CAMLG: variants seen among roughly 807,000 people sequenced by gnomAD.
CAMLG encodes the protein guided entry of tail-anchored proteins factor CAMLG.
Under a neutral mutation model 28.9 loss-of-function variants are expected in CAMLG, and 23 were observed. That is an observed-to-expected ratio of 0.80 (90% CI 0.57 to 1.13). The LOEUF is 1.13. Ranked by LOEUF, CAMLG falls within the 50% of genes most tolerant of loss-of-function variation. The pLI, the probability that CAMLG is intolerant of heterozygous loss-of-function variation, is 0.00. For synonymous variants in CAMLG, 141 were observed against 146.5 expected, an observed-to-expected ratio of 0.96 and a Z score of 0.27; for missense variants, 367 against 371.9, an observed-to-expected ratio of 0.99 and a Z score of 0.11.
At position 134,741,120 on chromosome 5, in the gene CAMLG, GCGTTCCTTC is replaced by G; in HGVS notation, c.235_243del (p.Pro79_Val81del). 1 of 1,614,138 alleles carries G rather than the reference GCGTTCCTTC, an allele frequency of 6.2e-7. No individual in the cohort carries two copies. Among genetic ancestry groups the G allele is most frequent in the South Asian group, 1.1e-5 (1 of 91,082 alleles). On this transcript the variant is annotated inframe_deletion, in exon 2 of 4. Coordinates refer to ENST00000297156, the MANE Select transcript of CAMLG (RefSeq NM_001745.4). ...GACAGTGATAAACTGAACTCCCTCAGCGTTCCTTCCGTTTCAAAGCGAGTAGTGCTGGGT... is the reference window on the plus strand; with the variant it reads ...GACAGTGATAAACTGAACTCCCTCAGCGTTTCAAAGCGAGTAGTGCTGGGT...
rs1460187266 is a variant in CAMLG, at chr5:134,750,809, G to A, written c.750G>A (p.Ser250=). The change falls in exon 4 of 4, where the codon TCG becomes TCA. Residue 250 remains serine, a synonymous_variant. Coordinates refer to ENST00000297156, the MANE Select transcript of CAMLG (RefSeq NM_001745.4). The part of the protein sequence containing the change: ...TTVLTAALLL[S]GIPAEVINRS... ...TACTAACAGCTGCACTTCTATTGTCGGGAATTCCTGCCGAAGTGATAAATC... is the reference window on the plus strand; with the variant it reads ...TACTAACAGCTGCACTTCTATTGTCAGGAATTCCTGCCGAAGTGATAAATC... The A allele has an allele frequency of 3.7e-6, 6 of 1,613,628 alleles. No homozygotes were observed. Among genetic ancestry groups the A allele is most frequent in the East Asian group, 2.2e-5 (1 of 44,884 alleles).
chr5:134,743,919 G>A (rs1753014507), intron 2 of CAMLG, 68 bp from the exon 3 acceptor site: 1 of 715,658 alleles, frequency 1.4e-6, no homozygotes. Context: ...TTTTCTAGCT[G>A]CTGTTTGATT....
In CAMLG at chr5:134,750,929, T is replaced by C. The variant is rs936200630; in HGVS notation, c.870T>C (p.Tyr290=). 1.2e-6 allele frequency: 2 copies of C among 1,613,598 alleles called. No homozygotes were observed. Among genetic ancestry groups the C allele is most frequent in the Non-Finnish European group, 1.7e-6 (2 of 1,179,834 alleles). ...TCTTTTGTCATGAACTGCTTGATTA[T>C]TGGGGCTCTGAAGTACCATGAAGCC... ...TFIFCHELLD[Y]WGSEVP Residue 290 remains tyrosine (Y), a synonymous_variant, in exon 4 of 4, where the codon TAT becomes TAC. Coordinates refer to ENST00000297156, the MANE Select transcript of CAMLG (RefSeq NM_001745.4).
chr5:134,747,386 C>G (rs1189757111), intron 3 of CAMLG, among the ~76,000 whole-genome samples: 4 of 151,758 alleles, frequency 2.6e-5, no homozygotes, highest in Non-Finnish European at 5.9e-5. Flanking sequence ...GAGGCTTGCT[C>G]TGTCACCCAG....
At position 134,741,400 on chromosome 5, in the gene CAMLG, T is replaced by A. The variant is rs374002051; in HGVS notation, c.510T>A (p.Ile170=). ...EEAMKLRKQL[I]SEKPSQEDGN... is the part of the protein sequence containing the mutation. ...CAATGAAGCTAAGGAAACAGCTGAT[T>A]AGTGAAAAACCCAGTCAAGAGGATG... Residue 170 remains isoleucine (I), a synonymous_variant, in exon 2 of 4, where the codon ATT becomes ATA. Coordinates refer to ENST00000297156, the MANE Select transcript of CAMLG (RefSeq NM_001745.4). The A allele has an allele frequency of 6.2e-7, 1 of 1,614,064 alleles. No individual in the cohort carries two copies. The highest frequency in any genetic ancestry group is 8.5e-7 in the Non-Finnish European group (1 of 1,179,922).
In CAMLG at chr5:134,741,230, T is replaced by C. The variant is rs968265332; in HGVS notation, c.340T>C (p.Leu114=). The C allele has an allele frequency of 1.9e-5, 30 of 1,614,012 alleles. No homozygotes were observed. Among genetic ancestry groups the C allele is most frequent in the Middle Eastern group, 1.6e-4 (1 of 6,084 alleles). ...AAAGGGGACCCAACTGGGAGACAAA[T>C]TGGACTCGTTCATTAAACCACCTGA... The part of the protein sequence containing the change: ...EVKGTQLGDK[L]DSFIKPPECS... Residue 114 remains leucine (L), a synonymous_variant, in exon 2 of 4, where the codon TTG becomes CTG. Coordinates refer to ENST00000297156, the MANE Select transcript of CAMLG (RefSeq NM_001745.4).
chr5:134,747,576 G>T (rs1315018747), intron 3 of CAMLG, among the ~76,000 whole-genome samples: 1 of 149,160 alleles, frequency 6.7e-6, no homozygotes, highest in Non-Finnish European at 1.5e-5. Context: ...TCGATCTCCT[G>T]ACCTCATGAT....
intron 1 of CAMLG, 27 bp from the exon 2 acceptor site, chr5:134,741,036 A>T (rs939756355): frequency 1.6e-5 from 24 of 1,520,164 alleles, no homozygotes; most frequent in Non-Finnish European, 2.2e-5. Flanking sequence ...GAATAAATAC[A>T]TAAGGCTTTT....
chr5:134,750,855 A>T lies in CAMLG; in HGVS notation c.796A>T (p.Lys266Ter). ...AAATCGATCAATGGATACCTATAGC[A>T]AAATGGGCGAAGTCTTCACAGATCT... ...VINRSMDTYS[K>*]MGEVFTDLCV... The change falls in exon 4 of 4, where the codon AAA (lysine) becomes TAA (stop). Residue 266 changes from lysine to a stop codon, truncating the protein, a stop_gained. Transcript: ENST00000297156. LOFTEE classifies it high-confidence loss of function. 2 of 1,614,034 alleles carry T rather than the reference A, an allele frequency of 1.2e-6. No individual in the cohort carries two copies. The highest frequency in any genetic ancestry group is 1.7e-5 in the Admixed American group (1 of 60,008).
intron 3 of CAMLG, among the ~76,000 whole-genome samples, chr5:134,749,103 T>A (rs1289079493): frequency 6.6e-6 from 1 of 151,840 alleles, no homozygotes; most frequent in East Asian, 1.9e-4. Flanking sequence ...AGCTTTGCTC[T>A]GTCACCCAGG....
At chr5:134,744,432 G>A (rs991151403) in intron 3 of CAMLG, among the ~76,000 whole-genome samples, 1 of 151,126 alleles carries the variant, frequency 6.6e-6, no homozygotes. Context: ...GCTGAGGCAG[G>A]AGAGTTGCTC....
intron 2 of CAMLG, among the ~76,000 whole-genome samples, chr5:134,742,323 CAGAG>C (rs369546064): frequency 1.3e-3 from 198 of 152,302 alleles, no homozygotes; most frequent in African/African-American, 4.6e-3. Flanking sequence ...AATGAAGACT[CAGAG>C]AGGTTAAACC....
chr5:134,746,286 T>C (rs1205866294), intron 3 of CAMLG, among the ~76,000 whole-genome samples: 1 of 152,120 alleles, frequency 6.6e-6, no homozygotes, highest in Non-Finnish European at 1.5e-5. Flanking sequence ...TAATTTCTTT[T>C]TGAAAAGAAA....
At chr5:134,743,941 G>A (rs77642959) in intron 2 of CAMLG, 46 bp from the exon 3 acceptor site, 11,184 of 829,784 alleles carry the variant, frequency 0.013, 177 homozygotes, top group African/African-American at 0.054. Flanking sequence ...ATTGTGATTT[G>A]AATGATTATG....
intron 3 of CAMLG, among the ~76,000 whole-genome samples, chr5:134,748,195 T>C (rs1198484985): frequency 6.6e-6 from 1 of 152,044 alleles, no homozygotes; most frequent in African/African-American, 2.4e-5. Flanking sequence ...CTTCCCAAAG[T>C]GCTGGGATTA....
chr5:134,738,800 C>G lies in CAMLG; in HGVS notation c.172+8C>G. 6.2e-7 allele frequency: 1 copy of G among 1,613,540 alleles called. No homozygotes were observed. The highest frequency in any genetic ancestry group is 8.5e-7 in the Non-Finnish European group (1 of 1,179,606). ...GGCCCGGGAGCGGCGCGGGTAAGAG[C>G]CTCGATTTCCCCTCAGTCTCCCGCC... On this transcript the variant is annotated splice_region_variant and intron_variant, in intron 1 of 3. Coordinates refer to ENST00000297156, the MANE Select transcript of CAMLG (RefSeq NM_001745.4).
chr5:134,744,161 T>C, intron 3 of CAMLG, 109 bp downstream of exon 3: 1 of 604,252 alleles, frequency 1.7e-6, no homozygotes, highest in South Asian at 2.0e-5. Flanking sequence ...GAATCAGTGC[T>C]ACTCAAAGTG....
intron 3 of CAMLG, 130 bp downstream of exon 3, chr5:134,744,182 A>G (rs977719322): frequency 3.5e-6 from 2 of 571,702 alleles, no homozygotes; most frequent in African/African-American, 3.8e-5. Context: ...TGGTTTGCCC[A>G]CTTATCTCCA....
intron 1 of CAMLG, among the ~76,000 whole-genome samples, chr5:134,739,271 T>A (rs1008611360): frequency 2.0e-5 from 3 of 152,218 alleles, no homozygotes; most frequent in Admixed American, 2.0e-4. Flanking sequence ...CTGTCTTTAC[T>A]GAACTGCCCG....
Sources: gnomAD v4.1 joint callset for allele counts (sites outside exome capture counted in the v4.1 genomes callset) on GRCh38, gnomAD v4.1.1 for gene constraint, MANE v1.5 for transcripts, NCBI Gene and HGNC (gene_info 2026-07-23, HGNC 2026-07-21) for gene names.